SEMA6A: variants seen among roughly 807,000 people sequenced by gnomAD.
SEMA6A encodes the protein semaphorin 6A.
A neutral mutation model predicts 96.8 loss-of-function variants in SEMA6A; 25 were observed. The ratio of observed to expected loss-of-function variants is 0.26; its 90% CI spans 0.19 to 0.36. SEMA6A has a LOEUF of 0.36. SEMA6A is among the 10% of genes least tolerant of loss of function. The pLI is 1.00. For missense variants in SEMA6A, 1,363 were observed against 1,323.1 expected (o/e 1.03, Z -0.47); for synonymous variants, 612 against 518.0 (o/e 1.18, Z -2.46).
intron 1 of SEMA6A, among the ~76,000 whole-genome samples, chr5:116,557,523 A>C (rs183658482): frequency 8.9e-4 from 136 of 152,372 alleles, no homozygotes; most frequent in Non-Finnish European, 1.2e-3. Flanking sequence ...AGAAGTTCTT[A>C]TAGCCTTATT....
chr5:116,475,170 C>A (rs1471334543), intron 16 of SEMA6A, among the ~76,000 whole-genome samples: 3 of 152,080 alleles, frequency 2.0e-5, no homozygotes, highest in African/African-American at 7.2e-5. Context: ...AGCTAGAGTA[C>A]AATGATCAAT....
intron 4 of SEMA6A, among the ~76,000 whole-genome samples, 194 bp from the exon 5 acceptor site, chr5:116,496,507 A>C (rs562941340): frequency 6.6e-6 from 1 of 152,242 alleles, no homozygotes; most frequent in South Asian, 2.1e-4. Context: ...TTGAACTCCT[A>C]TCTATTCATT....
At chr5:116,450,423 C>A (rs979015999) in intron 18 of SEMA6A, among the ~76,000 whole-genome samples, 1 of 152,172 alleles carries the variant, frequency 6.6e-6, no homozygotes, top group East Asian at 1.9e-4. Flanking sequence ...TTAAAAGGAA[C>A]GTGGAAAGAG....
intron 18 of SEMA6A, among the ~76,000 whole-genome samples, chr5:116,463,022 A>C (rs893597426): frequency 3.9e-5 from 6 of 152,204 alleles, no homozygotes; most frequent in African/African-American, 1.4e-4. Context: ...TTCAACGATA[A>C]AATGTAACCA....
At chr5:116,494,665 T>C (rs1400619319) in intron 6 of SEMA6A, among the ~76,000 whole-genome samples, 1 of 152,184 alleles carries the variant, frequency 6.6e-6, no homozygotes, top group Non-Finnish European at 1.5e-5. Flanking sequence ...TCCCTAAGGG[T>C]TGAGGCCTCC....
intron 1 of SEMA6A, among the ~76,000 whole-genome samples, chr5:116,564,587 G>C (rs1760951813): frequency 6.6e-6 from 1 of 152,176 alleles, no homozygotes; most frequent in African/African-American, 2.4e-5. Flanking sequence ...TAAATCGCCA[G>C]AATGTGTGTA....
chr5:116,496,162 A>G, intron 5 of SEMA6A, 89 bp downstream of exon 5: 1 of 1,118,636 alleles, frequency 8.9e-7, no homozygotes, highest in Non-Finnish European at 1.3e-6. Flanking sequence ...AAAAAGCACA[A>G]TCCATTCTAC....
In SEMA6A at chr5:116,462,993, TA is replaced by T. The variant is rs373356399; in HGVS notation, c.1894+4589del. ...GGAAACTTGATATCATTATCACAAA[TA>T]AAAAAAAAGTGTCACTTTTCAACGA... On this transcript the variant is annotated intron_variant, in intron 18 of 18. Coordinates refer to ENST00000343348, the MANE Select transcript of SEMA6A (RefSeq NM_020796.5). Among the ~76,000 whole-genome samples the T allele has an allele frequency of 2.3e-3, 351 of 150,922 alleles. 2 individuals carry two copies. Among genetic ancestry groups the T allele is most frequent in the African/African-American group, 7.7e-3 (318 of 41,180 alleles).
intron 1 of SEMA6A, among the ~76,000 whole-genome samples, chr5:116,556,724 G>A (rs1238252406): frequency 6.6e-6 from 1 of 152,170 alleles, no homozygotes; most frequent in Non-Finnish European, 1.5e-5. Flanking sequence ...TTCATTTTGT[G>A]TGTGTGTAGC....
At chr5:116,478,769 G>A in intron 12 of SEMA6A, 51 bp from the exon 13 acceptor site, 2 of 1,568,220 alleles carry the variant, frequency 1.3e-6, no homozygotes, top group Admixed American at 1.8e-5. Context: ...TATCATTAAA[G>A]TGTTCCCTGT....
At chr5:116,573,717 A>C (rs1413578407) in intron 1 of SEMA6A, among the ~76,000 whole-genome samples, 2 of 151,886 alleles carry the variant, frequency 1.3e-5, no homozygotes, top group African/African-American at 4.8e-5. Flanking sequence ...CTGGACGAAA[A>C]CAGCGCTGTT....
chr5:116,573,852 G>A (rs1260704452), intron 1 of SEMA6A, among the ~76,000 whole-genome samples: 2 of 152,076 alleles, frequency 1.3e-5, no homozygotes, highest in African/African-American at 4.8e-5. Context: ...GCACGCGGGA[G>A]GATGAGCCTT....
chr5:116,550,897 T>G (rs1213953158), intron 1 of SEMA6A, among the ~76,000 whole-genome samples: 2 of 152,182 alleles, frequency 1.3e-5, no homozygotes, highest in Non-Finnish European at 2.9e-5. Context: ...ATCAGGTTTG[T>G]CTTGGGCAAC....
At chr5:116,467,235 C>G (rs1355325854) in intron 18 of SEMA6A, among the ~76,000 whole-genome samples, 1 of 152,116 alleles carries the variant, frequency 6.6e-6, no homozygotes, top group African/African-American at 2.4e-5. Flanking sequence ...TGCATTCCAT[C>G]ACATTATGGT....
chr5:116,504,462 T>C (rs1758044507), intron 2 of SEMA6A, among the ~76,000 whole-genome samples: 1 of 152,226 alleles, frequency 6.6e-6, no homozygotes, highest in Non-Finnish European at 1.5e-5. Context: ...GGTCATTACT[T>C]TTTGTTCATA....
intron 10 of SEMA6A, among the ~76,000 whole-genome samples, chr5:116,484,142 T>G (rs1006885597): frequency 2.0e-5 from 3 of 152,136 alleles, no homozygotes; most frequent in African/African-American, 7.2e-5. Context: ...TTTATTTGAT[T>G]TCGTAACACT....
At chr5:116,566,971 G>A (rs560240939) in intron 1 of SEMA6A, among the ~76,000 whole-genome samples, 72 of 152,218 alleles carry the variant, frequency 4.7e-4, no homozygotes, top group African/African-American at 1.7e-3. Flanking sequence ...CCTAAGACAG[G>A]TGTGGTCCTT....
chr5:116,566,084 T>C (rs972230237), intron 1 of SEMA6A, among the ~76,000 whole-genome samples: 3 of 152,252 alleles, frequency 2.0e-5, no homozygotes, highest in African/African-American at 7.2e-5. Flanking sequence ...ATACAATCTT[T>C]ATTTCTTCGT....
intron 1 of SEMA6A, among the ~76,000 whole-genome samples, chr5:116,569,921 G>C (rs961430857): frequency 1.3e-5 from 2 of 152,156 alleles, no homozygotes; most frequent in African/African-American, 4.8e-5. Context: ...TATTTGTGAG[G>C]TCCAGGAGAG....
Sources: allele counts gnomAD v4.1 joint callset (sites outside exome capture counted in the v4.1 genomes callset), GRCh38; gene constraint gnomAD v4.1.1; transcripts MANE v1.5; gene names NCBI Gene and HGNC (gene_info 2026-07-23, HGNC 2026-07-21).